Variants in ELMO1 observed in about 807,000 individuals in gnomAD.
The protein encoded by ELMO1 is engulfment and cell motility 1.
A neutral mutation model predicts 98.9 loss-of-function variants in ELMO1; 26 were observed. The observed-to-expected ratio is 0.26, with a 90% CI of 0.19 to 0.36. ELMO1 has a LOEUF of 0.36. Among genes scored for constraint, ELMO1 ranks in the 10% least tolerant of loss-of-function variants. The pLI, the probability that ELMO1 is intolerant of heterozygous loss-of-function variation, is 1.00. For synonymous variants in ELMO1, 346 were observed against 346.0 expected (o/e 1.00, Z 0.00); for missense variants, 627 against 935.2 (o/e 0.67, Z 4.30).
intron 16 of ELMO1, among the ~76,000 whole-genome samples, chr7:36,974,017 TC>T (rs899220839): frequency 2.0e-5 from 3 of 152,098 alleles, no homozygotes; most frequent in East Asian, 1.9e-4. Flanking sequence ...TGCCTGAGCC[TC>T]CCCCCCACTC....
chr7:37,285,206 C>A (rs1431399259), intron 4 of ELMO1, among the ~76,000 whole-genome samples: 1 of 152,220 alleles, frequency 6.6e-6, no homozygotes, highest in Non-Finnish European at 1.5e-5. Context: ...CGCTCTTGGT[C>A]TTTAGTTCCT....
chr7:37,222,590 A>G (rs1490954750), intron 10 of ELMO1, 25 bp downstream of exon 10: 14 of 1,610,620 alleles, frequency 8.7e-6, no homozygotes, highest in Non-Finnish European at 1.2e-5. Context: ...TGACATAGCC[A>G]TAAGACTAAA....
intron 16 of ELMO1, among the ~76,000 whole-genome samples, chr7:36,903,611 TC>T (rs1783746299): frequency 6.6e-6 from 1 of 152,214 alleles, no homozygotes; most frequent in African/African-American, 2.4e-5. Flanking sequence ...TGGAATGGGT[TC>T]TGGACATGGG....
intron 1 of ELMO1, among the ~76,000 whole-genome samples, chr7:37,396,247 T>C (rs142109492): frequency 6.6e-6 from 1 of 152,196 alleles, no homozygotes; most frequent in Non-Finnish European, 1.5e-5. Context: ...AGGATTTATA[T>C]GAAGATTAAA....
At chr7:37,235,597 G>A (rs559302815) in intron 7 of ELMO1, among the ~76,000 whole-genome samples, 29 of 152,322 alleles carry the variant, frequency 1.9e-4, no homozygotes, top group African/African-American at 7.0e-4. Context: ...CAGCAGCACA[G>A]GCAATGGAAC....
At chr7:36,869,285 A>C (rs771188863) in intron 20 of ELMO1, among the ~76,000 whole-genome samples, 1 of 152,206 alleles carries the variant, frequency 6.6e-6, no homozygotes, top group Non-Finnish European at 1.5e-5. Flanking sequence ...TATAGAACTT[A>C]AGAAGGAAAG....
chr7:37,255,868 C>T (rs1487096345), intron 6 of ELMO1, among the ~76,000 whole-genome samples: 1 of 149,076 alleles, frequency 6.7e-6, no homozygotes, highest in Non-Finnish European at 1.5e-5. Context: ...GGCAGCCTCC[C>T]CCAGGCCCCA....
At chr7:37,221,360 C>A (rs988445095) in intron 10 of ELMO1, among the ~76,000 whole-genome samples, 9 of 152,184 alleles carry the variant, frequency 5.9e-5, no homozygotes, top group African/African-American at 9.6e-5. Flanking sequence ...CATTCAGTAG[C>A]AGGTTCGCTT....
chr7:36,964,943 T>C lies in ELMO1; in HGVS notation c.1437+48356A>G, dbSNP rs571836936. On this transcript the variant is annotated intron_variant, in intron 16 of 21. Transcript: ENST00000310758. ...CACAGCCTAGTACAAGTTCTCCAACTGGCCTTGCTTCCCTCTGACCTCTTG... is the reference window on the plus strand; with the variant it reads ...CACAGCCTAGTACAAGTTCTCCAACCGGCCTTGCTTCCCTCTGACCTCTTG... 2.6e-5 allele frequency among the ~76,000 whole-genome samples: 4 copies of C among 152,304 alleles called. No homozygotes were observed. The South Asian group carries it at 8.3e-4, about 32-fold the overall frequency.
intron 15 of ELMO1, among the ~76,000 whole-genome samples, chr7:37,070,844 T>TA (rs1163231224): frequency 2.0e-5 from 3 of 152,194 alleles, no homozygotes; most frequent in Middle Eastern, 3.2e-3. Flanking sequence ...GACATTCCTT[T>TA]ATATACAATT....
At chr7:37,077,657 G>A (rs1485345298) in intron 15 of ELMO1, among the ~76,000 whole-genome samples, 2 of 152,206 alleles carry the variant, frequency 1.3e-5, no homozygotes, top group African/African-American at 4.8e-5. Flanking sequence ...TGAATTAACA[G>A]GACGTGGCCG....
intron 1 of ELMO1, among the ~76,000 whole-genome samples, chr7:37,400,864 T>C (rs1204712248): frequency 1.3e-5 from 2 of 152,146 alleles, no homozygotes; most frequent in Non-Finnish European, 2.9e-5. Flanking sequence ...ACAATTTTCT[T>C]CCAACCTGTG....
At chr7:37,377,036 A>G (rs778904134) in intron 1 of ELMO1, among the ~76,000 whole-genome samples, 1 of 152,240 alleles carries the variant, frequency 6.6e-6, no homozygotes, top group Non-Finnish European at 1.5e-5. Context: ...CCTACAGGAC[A>G]TTCATTATAG....
At chr7:37,389,577 C>T (rs1434831395) in intron 1 of ELMO1, among the ~76,000 whole-genome samples, 2 of 152,104 alleles carry the variant, frequency 1.3e-5, no homozygotes, top group Non-Finnish European at 2.9e-5. Context: ...GCGAGAGTCT[C>T]GAATCGTCCA....
intron 20 of ELMO1, among the ~76,000 whole-genome samples, chr7:36,866,517 G>T (rs781051812): frequency 2.4e-4 from 36 of 152,198 alleles, no homozygotes; most frequent in Non-Finnish European, 4.9e-4. Context: ...CACCTCAAGG[G>T]AAAGGACCAA....
At chr7:37,396,181 C>A (rs1313447645) in intron 1 of ELMO1, among the ~76,000 whole-genome samples, 2 of 151,996 alleles carry the variant, frequency 1.3e-5, no homozygotes, top group African/African-American at 4.8e-5. Flanking sequence ...CACTTGAACA[C>A]CTTTGAGCCT....
chr7:36,915,724 A>G (rs909527805), intron 16 of ELMO1, among the ~76,000 whole-genome samples: 1 of 152,232 alleles, frequency 6.6e-6, no homozygotes, highest in Non-Finnish European at 1.5e-5. Flanking sequence ...AGAGATGCTA[A>G]CAGCTGAGTC....
chr7:37,240,772 G>A lies in ELMO1; in HGVS notation c.449+3584C>T, dbSNP rs149910605. 2.0e-3 allele frequency among the ~76,000 whole-genome samples: 301 copies of A among 152,148 alleles called. 1 individual carries two copies. The highest frequency in any genetic ancestry group is 7.0e-3 in the African/African-American group (292 of 41,506). ...AGTGTTTTCTAATTTCCAAACATCC[G>A]AGGCTATTCGGCTATTTTATTGTTA... is the stretch of plus-strand genomic sequence containing the variant. On this transcript the variant is annotated intron_variant, in intron 7 of 21. Coordinates refer to ENST00000310758, the MANE Select transcript of ELMO1 (RefSeq NM_014800.11).
chr7:37,218,739 T>C (rs985157947), intron 10 of ELMO1, among the ~76,000 whole-genome samples: 1 of 152,170 alleles, frequency 6.6e-6, no homozygotes, highest in African/African-American at 2.4e-5. Context: ...AAATGATGTA[T>C]TAGGAGAATA....
Sources: gnomAD v4.1 joint callset for allele counts (sites outside exome capture counted in the v4.1 genomes callset) on GRCh38, gnomAD v4.1.1 for gene constraint, MANE v1.5 for transcripts, NCBI Gene and HGNC (gene_info 2026-07-23, HGNC 2026-07-21) for gene names.